SV2B: variants seen among roughly 807,000 people sequenced by gnomAD.
The protein encoded by SV2B is synaptic vesicle glycoprotein 2B.
A neutral mutation model predicts 73.9 loss-of-function variants in SV2B; 41 were observed. The observed-to-expected ratio is 0.56, with a 90% CI of 0.43 to 0.72. SV2B has a LOEUF of 0.72. Among genes scored for constraint, SV2B ranks in the 30% least tolerant of loss-of-function variants. The pLI, the probability that SV2B is intolerant of heterozygous loss-of-function variation, is 0.00. For synonymous variants in SV2B, 314 were observed against 314.2 expected (o/e 1.00, Z 0.01); for missense variants, 764 against 857.8 (o/e 0.89, Z 1.37).
rs1284995256 is a variant in SV2B, at chr15:91,100,768, T to C, written c.-392+405T>C. Among the ~76,000 whole-genome samples, 2 of 152,250 alleles carry C rather than the reference T, an allele frequency of 1.3e-5. No individual in the cohort carries two copies. Among genetic ancestry groups the C allele is most frequent in the African/African-American group, 4.8e-5 (2 of 41,470 alleles). ...TTTGTTATTGTTGTTGGCTTGTTCT[T>C]AAAGAACAGAATTCAAACGTGCTTA... On this transcript the variant is annotated intron_variant, in intron 1 of 12. Coordinates refer to ENST00000394232, the MANE Select transcript of SV2B (RefSeq NM_001323032.3). The surrounding 1 kb of genome is among the most constrained non-coding windows in gnomAD (Gnocchi z 6.4).
chr15:91,239,487 G>A lies in SV2B; in HGVS notation c.452-12332G>A, dbSNP rs369057919. Among the ~76,000 whole-genome samples, 3 of 151,956 alleles carry A rather than the reference G, an allele frequency of 2.0e-5. No homozygotes were observed. The highest frequency in any genetic ancestry group is 4.8e-5 in the African/African-American group (2 of 41,354). On this transcript the variant is annotated intron_variant, in intron 2 of 12. Coordinates refer to ENST00000394232, the MANE Select transcript of SV2B (RefSeq NM_001323032.3). The surrounding 1 kb of genome is among the most constrained non-coding windows in gnomAD (Gnocchi z 5.1). ...AAGGAGACCTCCTAGCATGCCCTTC[G>A]TTTCTGACTTGAAGAAACTGAGCCC...
chr15:91,202,376 C>T (rs2045489749), intron 1 of SV2B, among the ~76,000 whole-genome samples: 3 of 152,142 alleles, frequency 2.0e-5, no homozygotes, highest in Admixed American at 2.0e-4. Flanking sequence ...CAATGAAAAC[C>T]ATTAATGAAT....
chr15:91,198,250 C>T (rs997663147), intron 1 of SV2B, among the ~76,000 whole-genome samples: 2 of 152,036 alleles, frequency 1.3e-5, no homozygotes, highest in African/African-American at 4.8e-5. Context: ...AGTGAGCTCA[C>T]GGTGGTTCAT....
At chr15:91,188,654 T>C (rs566599610) in intron 1 of SV2B, among the ~76,000 whole-genome samples, 8 of 152,144 alleles carry the variant, frequency 5.3e-5, no homozygotes, top group Admixed American at 5.2e-4. Flanking sequence ...GTCATTTGAA[T>C]AGTGTAGGTT....
Position 91,242,529 on chromosome 15 carries a change from C to T in SV2B, c.452-9290C>T, listed in dbSNP as rs1567382559. ...TTGAGGATGGATGGTCAGGGAAGGC[C>T]TCTTTGAGATTTCGCCTGAAATATG... On this transcript the variant is annotated intron_variant, in intron 2 of 12. Transcript: ENST00000394232. This position sits in a 1 kb window ranked among gnomAD's most constrained non-coding sequence, Gnocchi z 4.9. 6.6e-6 allele frequency among the ~76,000 whole-genome samples: 1 copy of T among 152,164 alleles called. No individual in the cohort carries two copies. Among genetic ancestry groups the T allele is most frequent in the African/African-American group, 2.4e-5 (1 of 41,422 alleles).
At chr15:91,185,504 A>C (rs1163882833) in intron 1 of SV2B, among the ~76,000 whole-genome samples, 5 of 152,152 alleles carry the variant, frequency 3.3e-5, no homozygotes, top group African/African-American at 1.2e-4. Context: ...GTTGTCCAGA[A>C]CTCATAGCTA....
At position 91,302,223 on chromosome 15, in the gene SV2B, C is replaced by A. The variant is rs1252271038; in HGVS notation, c.*9671C>A. ...AGCACATGAGTTGAATGGTGAGGAG[C>A]AAGTGAAGTGTCATATGTAAAAGAG... On this transcript the variant is annotated 3_prime_UTR_variant, in exon 13 of 13. Coordinates refer to ENST00000394232, the MANE Select transcript of SV2B (RefSeq NM_001323032.3). 1.3e-5 allele frequency among the ~76,000 whole-genome samples: 2 copies of A among 152,040 alleles called. No homozygotes were observed. The highest frequency in any genetic ancestry group is 4.8e-5 in the African/African-American group (2 of 41,394).
rs376800845 is a variant in SV2B at position 91,289,584 on chromosome 15, C to T, written c.1772C>T (p.Ala591Val). The T allele has an allele frequency of 6.2e-7, 1 of 1,614,230 alleles. No individual in the cohort carries two copies. The highest frequency in any genetic ancestry group is 8.5e-7 in the Non-Finnish European group (1 of 1,180,042). ...FFLFFGNSES[A>V]MIGWQCLFCG... ...CTGTTTTTTGGCAACAGTGAGTCTG[C>T]AATGATCGGCTGGCAGTGCCTGTTC... Residue 591 changes from alanine to valine, a missense_variant, in exon 12 of 13, where the codon GCA (alanine) becomes GTA (valine). Ala to Val is a moderately conservative substitution (Grantham distance 64). Coordinates refer to ENST00000394232, the MANE Select transcript of SV2B (RefSeq NM_001323032.3). This position sits in a 1 kb window ranked among gnomAD's most constrained non-coding sequence, Gnocchi z 4.9.
In SV2B at chr15:91,141,355, C is replaced by T. The variant is rs577316519; in HGVS notation, c.-392+40992C>T. 6.6e-6 allele frequency among the ~76,000 whole-genome samples: 1 copy of T among 152,298 alleles called. No homozygotes were observed. The highest frequency in any genetic ancestry group is 1.9e-4 in the East Asian group (1 of 5,186). On this transcript the variant is annotated intron_variant, in intron 1 of 12. Coordinates refer to ENST00000394232, the MANE Select transcript of SV2B (RefSeq NM_001323032.3). The surrounding 1 kb of genome is among the most constrained non-coding windows in gnomAD (Gnocchi z 4.6). ...GGGTGTCTTGCAGAACAGGGCCTTG[C>T]TCTTCTTCAGGAAGACTTGGAGTTT...
In SV2B at chr15:91,139,014, G is replaced by T. The variant is rs908722711; in HGVS notation, c.-392+38651G>T. Among the ~76,000 whole-genome samples, 1 of 152,222 alleles carries T rather than the reference G, an allele frequency of 6.6e-6. No individual in the cohort carries two copies. Among genetic ancestry groups the T allele is most frequent in the African/African-American group, 2.4e-5 (1 of 41,448 alleles). On this transcript the variant is annotated intron_variant, in intron 1 of 12. Coordinates refer to ENST00000394232, the MANE Select transcript of SV2B (RefSeq NM_001323032.3). This position sits in a 1 kb window ranked among gnomAD's most constrained non-coding sequence, Gnocchi z 5.2. ...CCAGTGAAATTACGAGACGATTAGG[G>T]AAATGTGAACACTGATTGTATATTT...
At chr15:91,108,320 C>T (rs912440754) in intron 1 of SV2B, among the ~76,000 whole-genome samples, 6 of 152,160 alleles carry the variant, frequency 3.9e-5, no homozygotes, top group African/African-American at 1.4e-4. Context: ...CTGCAATAAG[C>T]CAATCTCCTT....
At chr15:91,107,219 T>G (rs182763485) in intron 1 of SV2B, among the ~76,000 whole-genome samples, 61 of 152,308 alleles carry the variant, frequency 4.0e-4, no homozygotes, top group East Asian at 3.9e-3. Context: ...CCTGACCACA[T>G]GGGGCTAGGA....
At chr15:91,237,222 G>A (rs562958691) in intron 2 of SV2B, among the ~76,000 whole-genome samples, 43 of 152,314 alleles carry the variant, frequency 2.8e-4, no homozygotes, top group African/African-American at 9.9e-4. Flanking sequence ...TGAGTCCTCT[G>A]TGTGGCCCCT....
intron 1 of SV2B, among the ~76,000 whole-genome samples, chr15:91,113,946 TGAGA>T (rs2042105856): frequency 6.6e-6 from 1 of 152,118 alleles, no homozygotes; most frequent in Admixed American, 6.5e-5. Context: ...ATAGATTCCC[TGAGA>T]GAAAGACTGT....
At chr15:91,275,474 T>C (rs143733539) in intron 9 of SV2B, among the ~76,000 whole-genome samples, 1 of 152,200 alleles carries the variant, frequency 6.6e-6, no homozygotes, top group Non-Finnish European at 1.5e-5. Context: ...AAACACGTGA[T>C]ATATTGCTAC....
At chr15:91,233,292 A>G (rs1283502455) in intron 2 of SV2B, among the ~76,000 whole-genome samples, 4 of 152,200 alleles carry the variant, frequency 2.6e-5, no homozygotes, top group African/African-American at 9.6e-5. Flanking sequence ...GATACCTTCA[A>G]ACATTTTTGT....
rs370926365 is a variant in SV2B, at chr15:91,172,930, A to AT, written c.-391-52933dup. On this transcript the variant is annotated intron_variant, in intron 1 of 12. Transcript: ENST00000394232. ...GAGTAAGAGCCTGGCTTTCAGGGGC[A>AT]TTTTTTTTTTCTGGTGGAAAAGTCC... is the stretch of plus-strand genomic sequence containing the variant. Among the ~76,000 whole-genome samples, 86 of 145,258 alleles carry AT rather than the reference A, an allele frequency of 5.9e-4. 1 individual carries two copies. The South Asian group carries it at 6.7e-3, about 11-fold the overall frequency.
chr15:91,250,611 C>T (rs2047445972), intron 2 of SV2B, among the ~76,000 whole-genome samples: 1 of 152,100 alleles, frequency 6.6e-6, no homozygotes, highest in African/African-American at 2.4e-5. Context: ...TAAACAAATT[C>T]AGTAAAGGTG....
At chr15:91,230,146 TG>T (rs997362106) in intron 2 of SV2B, among the ~76,000 whole-genome samples, 11 of 149,482 alleles carry the variant, frequency 7.4e-5, no homozygotes, top group Non-Finnish European at 1.0e-4. Flanking sequence ...GCGGCTGAGG[TG>T]GGAGGATTGC....
Sources: allele counts gnomAD v4.1 joint callset (sites outside exome capture counted in the v4.1 genomes callset), GRCh38; gene constraint gnomAD v4.1.1; non-coding constraint Gnocchi (gnomAD v3.1); transcripts MANE v1.5; gene names NCBI Gene and HGNC (gene_info 2026-07-23, HGNC 2026-07-21).